CPD: variants seen among roughly 807,000 people sequenced by gnomAD.
CPD encodes the protein carboxypeptidase D.
In CPD, 69 loss-of-function variants were observed where a neutral mutation model predicts 138.3. The ratio of observed to expected loss-of-function variants is 0.50; its 90% CI spans 0.41 to 0.61. The LOEUF (loss-of-function observed/expected upper bound fraction) is 0.61. Among genes scored for constraint, CPD ranks in the 20% least tolerant of loss-of-function variants. CPD has a pLI of 0.00. For synonymous variants in CPD, 651 were observed against 642.1 expected (o/e 1.01, Z -0.21); for missense variants, 1,432 against 1,733.3 (o/e 0.83, Z 3.09).
chr17:30,403,344 G>A (rs1393785674), intron 2 of CPD, among the ~76,000 whole-genome samples: 1 of 152,104 alleles, frequency 6.6e-6, no homozygotes, highest in Non-Finnish European at 1.5e-5. Flanking sequence ...AGTGCTTTTG[G>A]TGTGCTGTTT....
At chr17:30,452,100 G>C (rs1913180590) in intron 14 of CPD, among the ~76,000 whole-genome samples, 1 of 152,120 alleles carries the variant, frequency 6.6e-6, no homozygotes, top group Admixed American at 6.5e-5. Flanking sequence ...TAGTTGTGTA[G>C]AGATGTGTAT....
intron 14 of CPD, among the ~76,000 whole-genome samples, chr17:30,452,359 G>A (rs1423899460): frequency 3.3e-5 from 5 of 149,748 alleles, no homozygotes; most frequent in East Asian, 2.0e-4. Flanking sequence ...GCTCGCCTCC[G>A]CCTCTTGGGT....
intron 2 of CPD, among the ~76,000 whole-genome samples, chr17:30,394,997 A>T (rs567999698): frequency 1.9e-4 from 29 of 152,072 alleles, no homozygotes; most frequent in Non-Finnish European, 3.1e-4. Context: ...CAAGTACCCA[A>T]TGGGCAGTTA....
intron 8 of CPD, among the ~76,000 whole-genome samples, chr17:30,436,054 T>G (rs1259945172): frequency 6.6e-6 from 1 of 152,234 alleles, no homozygotes; most frequent in Non-Finnish European, 1.5e-5. Flanking sequence ...AACTTATTTT[T>G]AAATAAGATC....
intron 8 of CPD, among the ~76,000 whole-genome samples, chr17:30,436,769 A>G (rs954225837): frequency 6.6e-6 from 1 of 152,252 alleles, no homozygotes; most frequent in Non-Finnish European, 1.5e-5. Context: ...TGCTAGGTAT[A>G]TACCCAAGAG....
chr17:30,452,388 C>T (rs933766869), intron 14 of CPD, among the ~76,000 whole-genome samples: 1 of 151,422 alleles, frequency 6.6e-6, no homozygotes, highest in South Asian at 2.1e-4. Flanking sequence ...TATCCTGCCT[C>T]AGCCTCCTGA....
rs889729813 is a variant in CPD, at chr17:30,455,576, A to G, written c.3337+106A>G. 15 of 1,272,806 alleles carry G rather than the reference A, an allele frequency of 1.2e-5. No homozygotes were observed. The South Asian group carries it at 1.9e-4, about 16-fold the overall frequency. The allele number at this position is 1,272,806 out of a possible 1,614,324, so 78.8% of individuals were successfully genotyped here. Reference sequence around the variant, plus strand: ...TTATAAATAGTGAGCATTTGAGCACACTCTATGAGCAAATTACCAACCAAA... The same window carrying G: ...TTATAAATAGTGAGCATTTGAGCACGCTCTATGAGCAAATTACCAACCAAA... On this transcript the variant is annotated intron_variant, in intron 15 of 20. Coordinates refer to ENST00000225719, the MANE Select transcript of CPD (RefSeq NM_001304.5).
chr17:30,392,817 T>G lies in CPD; in HGVS notation c.994+7581T>G, dbSNP rs375149898. Among the ~76,000 whole-genome samples the G allele has an allele frequency of 9.2e-5, 14 of 152,360 alleles. No homozygotes were observed. The East Asian group carries it at 1.3e-3, about 15-fold the overall frequency. On this transcript the variant is annotated intron_variant, in intron 2 of 20. Coordinates refer to ENST00000225719, the MANE Select transcript of CPD (RefSeq NM_001304.5). ...TGCAGTGAGGACTGGGCCACAGATA[T>G]TTATCTCAGATGTTCTACTTTTAGA...
chr17:30,393,090 C>A (rs1430526263), intron 2 of CPD, among the ~76,000 whole-genome samples: 1 of 152,188 alleles, frequency 6.6e-6, no homozygotes, highest in Non-Finnish European at 1.5e-5. Flanking sequence ...AAATTTTCTT[C>A]CCTCTCCTTT....
At chr17:30,456,810 G>A in intron 17 of CPD, 1 of 196,832 alleles carries the variant, frequency 5.1e-6, no homozygotes. Flanking sequence ...TCGCACTACT[G>A]CACTCCAGCC....
intron 2 of CPD, among the ~76,000 whole-genome samples, chr17:30,400,909 C>A (rs1769837896): frequency 6.6e-6 from 1 of 150,692 alleles, no homozygotes; most frequent in African/African-American, 2.4e-5. Flanking sequence ...GATCTCCTGA[C>A]CTCGTGATCC....
chr17:30,431,251 A>G (rs1912556422), intron 7 of CPD, among the ~76,000 whole-genome samples: 1 of 152,152 alleles, frequency 6.6e-6, no homozygotes, highest in Non-Finnish European at 1.5e-5. Context: ...CTTGTTGGCC[A>G]TTTATCTATC....
intron 2 of CPD, among the ~76,000 whole-genome samples, chr17:30,397,153 T>C (rs936164636): frequency 9.2e-5 from 14 of 152,170 alleles, no homozygotes; most frequent in African/African-American, 3.4e-4. Context: ...TCAGTAATTA[T>C]TTCTTATATT....
At chr17:30,441,087 G>A (rs1912850438) in intron 9 of CPD, among the ~76,000 whole-genome samples, 1 of 7,792 alleles carries the variant, frequency 1.3e-4, no homozygotes, top group Non-Finnish European at 2.9e-4. Context: ...TTATTTCCTT[G>A]AGCAGTGGTT....
chr17:30,401,256 TCTCCTTCTC>T (rs947743928), intron 2 of CPD, among the ~76,000 whole-genome samples: 2 of 151,616 alleles, frequency 1.3e-5, no homozygotes, highest in Non-Finnish European at 2.9e-5. Flanking sequence ...TTCTTCTCCT[TCTCCTTCTC>T]CTCCTCCTTC....
rs76663616 is a variant in CPD at position 30,432,851 on chromosome 17, T to G, written c.2127+970T>G. Among the ~76,000 whole-genome samples, 258 of 152,130 alleles carry G rather than the reference T, an allele frequency of 1.7e-3. 1 individual carries two copies. Among genetic ancestry groups the G allele is most frequent in the African/African-American group, 6.1e-3 (253 of 41,502 alleles). Reference sequence around the variant, plus strand: ...GGAGGATTGCTCTATCCCAGGAGATTGAGGTTGAAGTGAGCTTGATCACAA... The same window carrying G: ...GGAGGATTGCTCTATCCCAGGAGATGGAGGTTGAAGTGAGCTTGATCACAA... On this transcript the variant is annotated intron_variant, in intron 8 of 20. Coordinates refer to ENST00000225719, the MANE Select transcript of CPD (RefSeq NM_001304.5).
At chr17:30,401,881 C>T (rs1911681595) in intron 2 of CPD, among the ~76,000 whole-genome samples, 1 of 149,644 alleles carries the variant, frequency 6.7e-6, no homozygotes, top group Non-Finnish European at 1.5e-5. Flanking sequence ...TGCTGAGCTT[C>T]TTGAAATGTA....
Position 30,445,776 on chromosome 17 carries a change from T to G in CPD, c.2629T>G (p.Ser877Ala), listed in dbSNP as rs779317737. ...NFTLVRSSTD[S>A]NNESKKGKGA... ...CACACTTGTTCGATCCTCAACAGAT[T>G]CAAACAATGAATCAAAGAAAGGAAA... is the stretch of plus-strand genomic sequence containing the variant. The change falls in exon 12 of 21, where the codon TCA becomes GCA. Residue 877 changes from serine to alanine, a missense_variant. This residue lies in a region of CPD where 124 missense variants were observed against 117.0 expected (regional missense o/e 1.06). Coordinates refer to ENST00000225719, the MANE Select transcript of CPD (RefSeq NM_001304.5). The G allele has an allele frequency of 1.9e-6, 3 of 1,613,972 alleles. No individual in the cohort carries two copies. The highest frequency in any genetic ancestry group is 3.3e-5 in the Admixed American group (2 of 59,928).
chr17:30,392,069 G>A (rs1911372953), intron 2 of CPD, among the ~76,000 whole-genome samples: 1 of 150,900 alleles, frequency 6.6e-6, no homozygotes, highest in African/African-American at 2.4e-5. Context: ...GAGTGAAGTG[G>A]CGCAATCTCG....
Sources: allele counts gnomAD v4.1 joint callset (sites outside exome capture counted in the v4.1 genomes callset), GRCh38; gene constraint gnomAD v4.1.1; regional missense constraint gnomAD v4.1.1; transcripts MANE v1.5; gene names NCBI Gene and HGNC (gene_info 2026-07-23, HGNC 2026-07-21).